Variants in CFAP77 observed in about 807,000 individuals in gnomAD.
CFAP77 encodes cilia and flagella associated protein 77, also known as cilia- and flagella-associated protein 77.
A neutral mutation model predicts 31.1 loss-of-function variants in CFAP77; 25 were observed. The observed-to-expected ratio is 0.80, with a 90% CI of 0.59 to 1.12. The LOEUF is 1.12. Among genes scored for constraint, CFAP77 ranks in the 50% most tolerant of loss-of-function variants. The pLI, the probability that CFAP77 is intolerant of heterozygous loss-of-function variation, is 0.00. For missense variants in CFAP77, 377 were observed against 397.3 expected, an observed-to-expected ratio of 0.95 and a Z score of 0.44; for synonymous variants, 151 against 159.9, an observed-to-expected ratio of 0.94 and a Z score of 0.42.
chr9:132,553,705 G>A (rs889560217), intron 5 of CFAP77, among the ~76,000 whole-genome samples: 3 of 152,230 alleles, frequency 2.0e-5, no homozygotes, highest in African/African-American at 7.2e-5. Context: ...TTGGAAGGGG[G>A]AACCCCACGT....
At chr9:132,520,403 CAGG>C (rs570857075) in intron 3 of CFAP77, among the ~76,000 whole-genome samples, 1 of 152,216 alleles carries the variant, frequency 6.6e-6, no homozygotes, top group East Asian at 1.9e-4. Context: ...CCCAGGACTT[CAGG>C]AGGCCAAGGT....
rs1851642674 is a variant in CFAP77 at position 132,490,891 on chromosome 9, C to T, written c.196-7804C>T. Reference sequence around the variant, plus strand: ...ACTGTCTGCATGGCGTCTGCGTGTTCTCCCCGTGTCTGTGTGGGTTTTTCT... The same window carrying T: ...ACTGTCTGCATGGCGTCTGCGTGTTTTCCCCGTGTCTGTGTGGGTTTTTCT... On this transcript the variant is annotated intron_variant, in intron 1 of 5. Transcript: ENST00000393216. This position sits in a 1 kb window ranked among gnomAD's most constrained non-coding sequence, Gnocchi z 4.6. Among the ~76,000 whole-genome samples, 1 of 152,196 alleles carries T rather than the reference C, an allele frequency of 6.6e-6. No homozygotes were observed.
In CFAP77 at chr9:132,554,198, T is replaced by C. The variant is rs1852861715; in HGVS notation, c.732+11151T>C. Among the ~76,000 whole-genome samples the C allele has an allele frequency of 6.6e-6, 1 of 152,134 alleles. No homozygotes were observed. The highest frequency in any genetic ancestry group is 2.1e-4 in the South Asian group (1 of 4,818). Reference sequence around the variant, plus strand: ...GAGTGCACTGTCATGCCTTCTGTTGTGGAAAAAACATGCTCGACGTGATGG... The same window carrying C: ...GAGTGCACTGTCATGCCTTCTGTTGCGGAAAAAACATGCTCGACGTGATGG... On this transcript the variant is annotated intron_variant, in intron 5 of 5. Coordinates refer to ENST00000393216, the MANE Select transcript of CFAP77 (RefSeq NM_001282957.2). The surrounding 1 kb of genome is among the most constrained non-coding windows in gnomAD (Gnocchi z 4.1).
chr9:132,420,074 TC>T (rs1850184273), intron 1 of CFAP77, among the ~76,000 whole-genome samples: 1 of 151,016 alleles, frequency 6.6e-6, no homozygotes, highest in African/African-American at 2.4e-5. Flanking sequence ...GGCAGAAGGA[TC>T]TCCTGAGGCC....
In CFAP77 at chr9:132,490,435, G is replaced by A. The variant is rs1022458794; in HGVS notation, c.196-8260G>A. On this transcript the variant is annotated intron_variant, in intron 1 of 5. Transcript: ENST00000393216. The surrounding 1 kb of genome is among the most constrained non-coding windows in gnomAD (Gnocchi z 4.6). ...AGTTCGGGGTCAGGAGCTCGTTTGAGTGCCTCTCCCTGTAGGTTCTTAACA... is the reference window on the plus strand; with the variant it reads ...AGTTCGGGGTCAGGAGCTCGTTTGAATGCCTCTCCCTGTAGGTTCTTAACA... 2.6e-5 allele frequency among the ~76,000 whole-genome samples: 4 copies of A among 152,154 alleles called. No homozygotes were observed. Among genetic ancestry groups the A allele is most frequent in the Admixed American group, 6.5e-5 (1 of 15,284 alleles).
intron 1 of CFAP77, among the ~76,000 whole-genome samples, chr9:132,493,025 G>A (rs936367317): frequency 2.0e-5 from 3 of 152,140 alleles, no homozygotes; most frequent in South Asian, 2.1e-4. Context: ...GCTTTATTGC[G>A]CTTTGCATGT....
Position 132,462,252 on chromosome 9 carries a change from T to TCTA in CFAP77, c.196-36443_196-36442insCTA, listed in dbSNP as rs1372016141. On this transcript the variant is annotated intron_variant, in intron 1 of 5. Transcript: ENST00000393216. Reference sequence around the variant, plus strand: ...GTGCCTGTGGCTGATCTCTAGGACGTGTTTCTTGTGAGTTACTCTGGAATA... The same window carrying TCTA: ...GTGCCTGTGGCTGATCTCTAGGACGTCTAGTTTCTTGTGAGTTACTCTGGAATA... Among the ~76,000 whole-genome samples, 559 of 152,258 alleles carry TCTA rather than the reference T, an allele frequency of 3.7e-3. 2 individuals carry two copies. The highest frequency in any genetic ancestry group is 0.013 in the African/African-American group (521 of 41,546).
chr9:132,531,629 G>C (rs60161803), intron 3 of CFAP77, among the ~76,000 whole-genome samples: 4,104 of 149,072 alleles, frequency 0.028, 325 homozygotes, highest in African/African-American at 0.083. Context: ...AAGACATGGG[G>C]GGGGGGGCAT....
chr9:132,458,342 C>CGGGGGGGGG (rs1554738844), intron 1 of CFAP77, among the ~76,000 whole-genome samples: 1 of 71,186 alleles, frequency 1.4e-5, no homozygotes, highest in Admixed American at 1.6e-4. Context: ...GTCTCCCTGG[C>CGGGGGGGGG]GGGGGAGGGG....
Position 132,502,277 on chromosome 9 carries a change from T to TGAG in CFAP77, c.524+2678_524+2679insAGG, listed in dbSNP as rs1851860409. ...TATATATATATATATTTTTTTTTTT[T>TGAG]GGGGGAGGGGGGTGGTAGTTCCTTC... On this transcript the variant is annotated intron_variant, in intron 3 of 5. Transcript: ENST00000393216. 1.4e-4 allele frequency among the ~76,000 whole-genome samples: 17 copies of TGAG among 123,506 alleles called. 1 individual carries two copies. Among genetic ancestry groups the TGAG allele is most frequent in the African/African-American group, 4.3e-4 (14 of 32,736 alleles). 81.0% of individuals were successfully genotyped at this position (123,506 alleles called of 152,430 possible). A position where few individuals can be genotyped will look rare whatever the true frequency, so the allele number is the denominator to read the frequency against.
chr9:132,470,000 C>T (rs780911838), intron 1 of CFAP77, among the ~76,000 whole-genome samples: 2 of 151,986 alleles, frequency 1.3e-5, no homozygotes, highest in Non-Finnish European at 2.9e-5. Context: ...CCACCACACC[C>T]GGCTAATTTT....
chr9:132,496,477 C>T (rs1245467103), intron 1 of CFAP77, among the ~76,000 whole-genome samples: 1 of 152,206 alleles, frequency 6.6e-6, no homozygotes, highest in East Asian at 1.9e-4. Context: ...CGCCCCTTAG[C>T]CATCACGGCT....
intron 1 of CFAP77, among the ~76,000 whole-genome samples, chr9:132,429,404 T>C (rs1471873807): frequency 6.6e-6 from 1 of 151,322 alleles, no homozygotes; most frequent in Non-Finnish European, 1.5e-5. Flanking sequence ...CCAGGGGTGG[T>C]GGCGGTTCCT....
intron 5 of CFAP77, among the ~76,000 whole-genome samples, chr9:132,566,795 T>C (rs942654724): frequency 7.9e-5 from 12 of 152,180 alleles, no homozygotes; most frequent in African/African-American, 2.7e-4. Context: ...CCTCTGCGGA[T>C]CTGTTTCCCT....
chr9:132,518,164 A>C (rs1852182232), intron 3 of CFAP77, among the ~76,000 whole-genome samples: 1 of 152,082 alleles, frequency 6.6e-6, no homozygotes, highest in Non-Finnish European at 1.5e-5. Context: ...TAGAAACAGC[A>C]GCTTGGAAGC....
intron 3 of CFAP77, among the ~76,000 whole-genome samples, chr9:132,529,507 T>TAAAAAAAAAAAAAAAAAA (rs750691279): frequency 4.6e-5 from 5 of 108,830 alleles, no homozygotes; most frequent in African/African-American, 1.3e-4. Context: ...TAGAGTATAA[T>TAAAAAAAAAAAAAAAAAA]AAAAAAAAAA....
chr9:132,500,915 A>G (rs1851831072), intron 3 of CFAP77, among the ~76,000 whole-genome samples: 1 of 152,238 alleles, frequency 6.6e-6, no homozygotes, highest in African/African-American at 2.4e-5. Flanking sequence ...CGTCCCATCC[A>G]GTCAACACCC....
Position 132,572,505 on chromosome 9 carries a change from C to A in CFAP77, c.850C>A (p.Pro284Thr). The change falls in exon 6 of 6, where the codon CCC becomes ACC. Residue 284 changes from proline to threonine, a missense_variant. Pro to Thr is a conservative substitution (Grantham distance 38). Coordinates refer to ENST00000393216, the MANE Select transcript of CFAP77 (RefSeq NM_001282957.2). ...CCTGCGGATGGGCAACTACACCCAC[C>A]CCTAGCCCCTCCCTCCCCTGCCACA... ...GTLRMGNYTH[P>T] The A allele has an allele frequency of 1.2e-6, 2 of 1,604,230 alleles. No homozygotes were observed. The highest frequency in any genetic ancestry group is 1.3e-5 in the African/African-American group (1 of 74,890).
chr9:132,425,972 T>C (rs552938143), intron 1 of CFAP77, among the ~76,000 whole-genome samples: 4 of 152,260 alleles, frequency 2.6e-5, no homozygotes, highest in African/African-American at 9.6e-5. Flanking sequence ...GGAAACCGGG[T>C]CATTATACCA....
Sources: gnomAD v4.1 joint callset for allele counts (sites outside exome capture counted in the v4.1 genomes callset) on GRCh38, gnomAD v4.1.1 for gene constraint, Gnocchi (gnomAD v3.1) non-coding constraint, MANE v1.5 for transcripts, NCBI Gene and HGNC (gene_info 2026-07-23, HGNC 2026-07-21) for gene names.